Variants in ZMYM2 observed in about 807,000 individuals in gnomAD.
The protein encoded by ZMYM2 is zinc finger MYM-type containing 2, also known as zinc finger MYM-type protein 2.
Under a neutral mutation model 162.8 loss-of-function variants are expected in ZMYM2, and 56 were observed. That is an observed-to-expected ratio of 0.34 (90% CI 0.28 to 0.43). The LOEUF (loss-of-function observed/expected upper bound fraction) is 0.43. Among genes scored for constraint, ZMYM2 ranks in the 20% least tolerant of loss-of-function variants. ZMYM2 has a pLI of 1.00. For missense variants in ZMYM2, 1,275 were observed against 1,621.8 expected, an observed-to-expected ratio of 0.79 and a Z score of 3.67; for synonymous variants, 510 against 541.6, an observed-to-expected ratio of 0.94 and a Z score of 0.81.
the ZMYM2 span, among the ~76,000 whole-genome samples, chr13:19,871,448 G>C: frequency 6.6e-6 from 1 of 151,896 alleles, no homozygotes; most frequent in African/African-American, 2.4e-5. Flanking sequence ...AGAGCATGGG[G>C]TCATGCTCTA....
At chr13:20,068,052 C>G (rs1432192637) in intron 21 of ZMYM2, 2 of 174,012 alleles carry the variant, frequency 1.1e-5, no homozygotes, top group African/African-American at 4.8e-5. Flanking sequence ...CTAGAATTGT[C>G]TTAATTTGTG....
Position 19,973,546 on chromosome 13 carries a change from C to T in ZMYM2, c.-11+13520C>T, listed in dbSNP as rs188377947. ...ATTAGCAGGGCGTGGTGGTGTGCGC[C>T]TGTAGTCCCAGCTACTTGAGAGGCT... is the stretch of plus-strand genomic sequence containing the variant. On this transcript the variant is annotated intron_variant, in intron 2 of 24. Transcript: ENST00000610343. Among the ~76,000 whole-genome samples, 53 of 151,806 alleles carry T rather than the reference C, an allele frequency of 3.5e-4. 1 individual carries two copies. In the East Asian group the frequency reaches 7.8e-3, roughly 22 times the overall value.
chr13:19,987,847 C>G (rs1023066019), intron 2 of ZMYM2, among the ~76,000 whole-genome samples: 2 of 151,836 alleles, frequency 1.3e-5, no homozygotes, highest in South Asian at 2.1e-4. Context: ...AACTCCAGAG[C>G]TCAATCTTCT....
intron 2 of ZMYM2, among the ~76,000 whole-genome samples, chr13:19,962,971 C>G (rs9579747): frequency 0.1 from 15,342 of 151,822 alleles, 1,267 homozygotes; most frequent in African/African-American, 0.22. Flanking sequence ...CAGGCACGTG[C>G]CACTACACCT....
Position 20,042,362 on chromosome 13 carries a change from T to C in ZMYM2, c.2292+5453T>C, listed in dbSNP as rs1021631047. Among the ~76,000 whole-genome samples the C allele has an allele frequency of 7.9e-5, 12 of 152,252 alleles. No individual in the cohort carries two copies. The South Asian group carries it at 1.7e-3, about 21-fold the overall frequency. On this transcript the variant is annotated intron_variant, in intron 12 of 24. Coordinates refer to ENST00000610343, the MANE Select transcript of ZMYM2 (RefSeq NM_197968.4). ...TGGTCTATTTTGCTATTAATACTTA[T>C]GATTGCCTTATGAAATTCTCGTAGT... is the stretch of plus-strand genomic sequence containing the variant.
chr13:19,995,410 T>C (rs1594247108), intron 3 of ZMYM2, among the ~76,000 whole-genome samples: 1 of 152,182 alleles, frequency 6.6e-6, no homozygotes, highest in Admixed American at 6.5e-5. Flanking sequence ...AATACTTTTT[T>C]TTCTTATTTA....
the ZMYM2 span, among the ~76,000 whole-genome samples, chr13:19,883,799 C>T: frequency 6.6e-6 from 1 of 152,090 alleles, no homozygotes. Context: ...TTCTGTTGCC[C>T]AGGCTGGAGC....
chr13:19,991,801 T>G (rs1949652974), intron 2 of ZMYM2, among the ~76,000 whole-genome samples: 2 of 151,666 alleles, frequency 1.3e-5, no homozygotes, highest in South Asian at 4.2e-4. Flanking sequence ...GGCTAATTTT[T>G]GTATTTTTTG....
chr13:19,886,776 A>T, the ZMYM2 span, among the ~76,000 whole-genome samples: 2 of 151,646 alleles, frequency 1.3e-5, no homozygotes, highest in African/African-American at 4.9e-5. Context: ...CAGCCTCTTG[A>T]GTAGCTGGGA....
chr13:19,932,913 GCTGA>G, the ZMYM2 span, among the ~76,000 whole-genome samples: 3 of 152,094 alleles, frequency 2.0e-5, no homozygotes, highest in Non-Finnish European at 4.4e-5. Context: ...GGCAGTCTGA[GCTGA>G]CTAAGACACT....
intron 6 of ZMYM2, among the ~76,000 whole-genome samples, chr13:20,012,463 A>C (rs1391581415): frequency 1.3e-5 from 2 of 152,050 alleles, no homozygotes; most frequent in East Asian, 3.9e-4. Context: ...TACAGGTGTG[A>C]GCCACCACGC....
intron 2 of ZMYM2, among the ~76,000 whole-genome samples, chr13:19,983,268 C>T (rs756442023): frequency 5.3e-5 from 8 of 151,974 alleles, no homozygotes; most frequent in African/African-American, 7.3e-5. Flanking sequence ...CCTCAGCCTC[C>T]GGAGTAGCTG....
At chr13:20,008,493 A>G (rs150791518) in intron 6 of ZMYM2, among the ~76,000 whole-genome samples, 3 of 152,342 alleles carry the variant, frequency 2.0e-5, no homozygotes, top group African/African-American at 4.8e-5. Flanking sequence ...GTATGTGTCT[A>G]TGGGAAACGA....
the ZMYM2 span, among the ~76,000 whole-genome samples, chr13:19,909,404 A>AT: frequency 2.2e-5 from 3 of 138,524 alleles, no homozygotes; most frequent in Admixed American, 7.2e-5. Context: ...ACCCCTCCTC[A>AT]TTTTTTCTTC....
the ZMYM2 span, among the ~76,000 whole-genome samples, chr13:19,929,331 T>C: frequency 6.6e-6 from 1 of 152,190 alleles, no homozygotes; most frequent in Non-Finnish European, 1.5e-5. Context: ...CTGCGCCTCC[T>C]GGGTTCACGC....
chr13:19,985,896 G>A (rs1949093427), intron 2 of ZMYM2, among the ~76,000 whole-genome samples: 2 of 150,056 alleles, frequency 1.3e-5, no homozygotes, highest in African/African-American at 2.5e-5. Flanking sequence ...AAATAAATAA[G>A]TAAAAAAGCC....
intron 12 of ZMYM2, among the ~76,000 whole-genome samples, chr13:20,044,878 C>T (rs531018061): frequency 1.1e-4 from 16 of 151,668 alleles, no homozygotes; most frequent in African/African-American, 3.1e-4. Context: ...GGTAAAACCC[C>T]GTCTCTACTA....
the ZMYM2 span, among the ~76,000 whole-genome samples, chr13:19,936,722 AAAAT>A: frequency 2.6e-5 from 4 of 152,102 alleles, no homozygotes; most frequent in African/African-American, 4.8e-5. Context: ...CTATGTCTCA[AAAAT>A]AAATAAATAA....
intron 12 of ZMYM2, among the ~76,000 whole-genome samples, chr13:20,045,462 A>T (rs531056475): frequency 1.6e-4 from 24 of 152,336 alleles, no homozygotes; most frequent in African/African-American, 5.8e-4. Flanking sequence ...ACAGAGGACA[A>T]ACATACACTC....
Sources: gnomAD v4.1 joint callset for allele counts (sites outside exome capture counted in the v4.1 genomes callset) on GRCh38, gnomAD v4.1.1 for gene constraint, MANE v1.5 for transcripts, NCBI Gene and HGNC (gene_info 2026-07-23, HGNC 2026-07-21) for gene names.